Variants in RBFOX1 observed in about 807,000 individuals in gnomAD.
RBFOX1 encodes RNA binding fox-1 homolog 1, also known as RNA binding protein fox-1 homolog 1.
RBFOX1 carries 8 observed loss-of-function variants against 57.7 expected under a neutral mutation model. The observed-to-expected ratio is 0.14, with a 90% CI of 0.08 to 0.25. RBFOX1 has a LOEUF of 0.25. Among genes scored for constraint, RBFOX1 ranks in the 10% least tolerant of loss-of-function variants. The pLI is 1.00. For missense variants in RBFOX1, 611 were observed against 548.5 expected (o/e 1.11, Z -1.14); for synonymous variants, 326 against 222.4 (o/e 1.47, Z -4.15).
At chr16:5,570,397 C>T (rs140767148) in intron 2 of RBFOX1, among the ~76,000 whole-genome samples, 125 of 152,254 alleles carry the variant, frequency 8.2e-4, no homozygotes, top group African/African-American at 2.9e-3. Context: ...GTGTATGGGA[C>T]TCATTCATGT....
Position 6,963,127 on chromosome 16 carries a change from C to G in RBFOX1, c.-15-88930C>G, listed in dbSNP as rs370587986. Among the ~76,000 whole-genome samples, 6 of 152,130 alleles carry G rather than the reference C, an allele frequency of 3.9e-5. No individual in the cohort carries two copies. The East Asian group carries it at 1.2e-3, about 29-fold the overall frequency. ...GAAGTCCGAGATTCACCTCTGGGTG[C>G]AGGACTCTTTGGGGTTCTGGCTGGT... On this transcript the variant is annotated intron_variant, in intron 3 of 15. Transcript: ENST00000550418.
intron 14 of RBFOX1, chr16:7,693,511 A>G (rs2077870458): frequency 3.1e-6 from 2 of 650,516 alleles, no homozygotes; most frequent in Non-Finnish European, 5.2e-6. Context: ...TCTTTGGAGT[A>G]CAGCTGAAGC....
chr16:6,519,234 A>G (rs1335677271), intron 2 of RBFOX1, among the ~76,000 whole-genome samples: 1 of 152,142 alleles, frequency 6.6e-6, no homozygotes, highest in African/African-American at 2.4e-5. Flanking sequence ...CACTGGGTTG[A>G]GTGAAGAGTG....
chr16:6,185,810 G>C lies in RBFOX1; in HGVS notation c.-126-131185G>C, dbSNP rs544345930. On this transcript the variant is annotated intron_variant, in intron 1 of 15. Coordinates refer to ENST00000550418, the MANE Select transcript of RBFOX1 (RefSeq NM_018723.4). The stretch of plus-strand genomic sequence containing the variant: ...AAAAGTCTGTGATAATGACATGGTT[G>C]ATGAGCGTGAGAGTAGGAGACAGGA... Among the ~76,000 whole-genome samples, 9 of 152,298 alleles carry C rather than the reference G, an allele frequency of 5.9e-5. No homozygotes were observed. In the South Asian group the frequency reaches 1.9e-3, roughly 32 times the overall value.
chr16:7,077,261 G>A (rs1025915269), intron 4 of RBFOX1, among the ~76,000 whole-genome samples: 4 of 152,186 alleles, frequency 2.6e-5, no homozygotes, highest in South Asian at 2.1e-4. Flanking sequence ...GGTGGGCAAG[G>A]TACTGTTAGC....
chr16:5,341,220 C>T (rs965702864), intron 1 of RBFOX1, among the ~76,000 whole-genome samples: 1 of 152,110 alleles, frequency 6.6e-6, no homozygotes. Flanking sequence ...CATTTTAGCT[C>T]ATGGTGAGAA....
intron 4 of RBFOX1, among the ~76,000 whole-genome samples, chr16:7,134,982 C>A (rs555445134): frequency 1.3e-5 from 2 of 151,486 alleles, no homozygotes; most frequent in African/African-American, 4.8e-5. Context: ...ATGAATTATC[C>A]AATCTTTGCA....
At position 5,967,003 on chromosome 16, in the gene RBFOX1, GGT is replaced by G. The variant is rs1555458292; in HGVS notation, c.351+99669_351+99670del. Among the ~76,000 whole-genome samples the G allele has an allele frequency of 2.2e-4, 22 of 100,638 alleles. 1 individual carries two copies. In the East Asian group the frequency reaches 3.6e-3, roughly 17 times the overall value. The allele number at this position is 100,638 out of a possible 152,430, so 66.0% of individuals were successfully genotyped here. ...TCTTGCACTAAATCGGGGGGGGGGG[GGT>G]CAATAAATGATAGCTCAGGTGCCAC... On this transcript the variant is annotated intron_variant, in intron 4 of 19. Transcript: ENST00000641259.
chr16:5,991,872 T>C (rs1247949193), intron 4 of RBFOX1, among the ~76,000 whole-genome samples: 1 of 152,108 alleles, frequency 6.6e-6, no homozygotes, highest in Non-Finnish European at 1.5e-5. Context: ...TCTGATGCTC[T>C]AGCACCTGAG....
chr16:7,665,787 G>T (rs1391125744), intron 13 of RBFOX1, among the ~76,000 whole-genome samples: 1 of 152,008 alleles, frequency 6.6e-6, no homozygotes, highest in Non-Finnish European at 1.5e-5. Flanking sequence ...CAGTCAATGG[G>T]ATTATATTTG....
intron 2 of RBFOX1, among the ~76,000 whole-genome samples, chr16:5,578,459 C>T (rs532366050): frequency 1.3e-5 from 2 of 152,232 alleles, no homozygotes; most frequent in African/African-American, 2.4e-5. Context: ...GCTCTAAAGC[C>T]CACCAGGAAA....
At chr16:6,391,392 C>T (rs1280266343) in intron 2 of RBFOX1, among the ~76,000 whole-genome samples, 3 of 151,886 alleles carry the variant, frequency 2.0e-5, no homozygotes, top group African/African-American at 7.3e-5. Context: ...CACCTGTAGT[C>T]CCAGCTACTG....
chr16:6,272,055 A>G (rs979131867), intron 1 of RBFOX1, among the ~76,000 whole-genome samples: 2 of 152,198 alleles, frequency 1.3e-5, no homozygotes, highest in African/African-American at 4.8e-5. Context: ...ACAAAATATT[A>G]ACAAATAGAA....
rs28629841 is a variant in RBFOX1, at chr16:5,661,855, G to A, written c.318+62894G>A. ...GGCTGGGGTGCAATGGTGAGATCTCGGCTCACTGCAACCTCCACCTCCTGG... is the reference window on the plus strand; with the variant it reads ...GGCTGGGGTGCAATGGTGAGATCTCAGCTCACTGCAACCTCCACCTCCTGG... On this transcript the variant is annotated intron_variant, in intron 3 of 19. Transcript: ENST00000641259. 9.3e-3 allele frequency among the ~76,000 whole-genome samples: 1,397 copies of A among 150,934 alleles called. 18 individuals are homozygous for A. The highest frequency in any genetic ancestry group is 0.032 in the African/African-American group (1,319 of 41,020).
intron 1 of RBFOX1, among the ~76,000 whole-genome samples, chr16:5,392,748 T>G (rs2066448115): frequency 6.6e-6 from 1 of 152,128 alleles, no homozygotes; most frequent in African/African-American, 2.4e-5. Context: ...TGTGCTCATC[T>G]AGGCAAGTAA....
chr16:5,536,837 C>G (rs1283620495), intron 2 of RBFOX1, among the ~76,000 whole-genome samples: 3 of 152,220 alleles, frequency 2.0e-5, no homozygotes, highest in African/African-American at 7.2e-5. Flanking sequence ...CAACAGACAG[C>G]AGGTGCATCT....
At chr16:7,567,695 C>T (rs947456574) in intron 5 of RBFOX1, among the ~76,000 whole-genome samples, 2 of 138,344 alleles carry the variant, frequency 1.4e-5, no homozygotes, top group Non-Finnish European at 3.1e-5. Context: ...AGATATATAT[C>T]CCTATATATA....
intron 1 of RBFOX1, among the ~76,000 whole-genome samples, chr16:5,304,982 C>G (rs2063898405): frequency 6.6e-6 from 1 of 152,118 alleles, no homozygotes; most frequent in African/African-American, 2.4e-5. Context: ...TTTTTCAGTT[C>G]CTTGTCTTTT....
rs535828871 is a variant in RBFOX1 at position 5,791,943 on chromosome 16, C to T, written c.319-75360C>T. On this transcript the variant is annotated intron_variant, in intron 3 of 19. Coordinates refer to the RBFOX1 transcript ENST00000641259. ...TGAGGCCACCCTCCAGACTTCTTGG[C>T]GTTGCCTCTGGGGCTTGGAGGTCCT... 5.3e-5 allele frequency among the ~76,000 whole-genome samples: 8 copies of T among 152,250 alleles called. No individual in the cohort carries two copies. The East Asian group carries it at 9.7e-4, about 18-fold the overall frequency.
Sources: allele counts gnomAD v4.1 joint callset (sites outside exome capture counted in the v4.1 genomes callset), GRCh38; gene constraint gnomAD v4.1.1; transcripts MANE v1.5; gene names NCBI Gene and HGNC (gene_info 2026-07-23, HGNC 2026-07-21).